PTTG1IP: variants seen among roughly 807,000 people sequenced by gnomAD.
PTTG1IP encodes PTTG1 interacting protein.
In PTTG1IP, 16 loss-of-function variants were observed where a neutral mutation model predicts 24.4. The observed-to-expected ratio is 0.66, with a 90% CI of 0.44 to 1.00. The LOEUF is 1.00. Among genes scored for constraint, PTTG1IP ranks in the 50% least tolerant of loss-of-function variants. The pLI is 0.00. For missense variants in PTTG1IP, 241 were observed against 245.8 expected, an observed-to-expected ratio of 0.98 and a Z score of 0.13; for synonymous variants, 89 against 96.8, an observed-to-expected ratio of 0.92 and a Z score of 0.47.
intron 3 of PTTG1IP, among the ~76,000 whole-genome samples, chr21:44,857,229 C>A (rs2083456293): frequency 6.6e-6 from 1 of 152,242 alleles, no homozygotes; most frequent in Admixed American, 6.5e-5. Context: ...ATAATCCCAG[C>A]ACTTTGGGAG....
chr21:44,864,156 C>T lies in PTTG1IP; in HGVS notation c.168+1239G>A, dbSNP rs187825299. ...CTGACTGGAAGGGGCAAGGGGTGGG[C>T]GAGATCAGGAATCCTAAGAAAAAGG... is the stretch of plus-strand genomic sequence containing the variant. On this transcript the variant is annotated intron_variant, in intron 2 of 5. Coordinates refer to ENST00000330938, the MANE Select transcript of PTTG1IP (RefSeq NM_004339.4). 4.6e-5 allele frequency among the ~76,000 whole-genome samples: 7 copies of T among 152,332 alleles called. No homozygotes were observed. In the East Asian group the frequency reaches 9.6e-4, roughly 21 times the overall value.
rs560170267 is a variant in PTTG1IP, at chr21:44,856,020, C to T, written c.449+173G>A. 3.3e-5 allele frequency among the ~76,000 whole-genome samples: 5 copies of T among 152,332 alleles called. No homozygotes were observed. In the South Asian group the frequency reaches 8.3e-4, roughly 25 times the overall value. On this transcript the variant is annotated intron_variant, in intron 4 of 5. Coordinates refer to ENST00000330938, the MANE Select transcript of PTTG1IP (RefSeq NM_004339.4). Reference sequence around the variant, plus strand: ...AAGGTTCGCAGCCACTGCTAGGTTCCCATCACAGTCTCTCGCTCTCTACCA... The same window carrying T: ...AAGGTTCGCAGCCACTGCTAGGTTCTCATCACAGTCTCTCGCTCTCTACCA...
intron 1 of PTTG1IP, among the ~76,000 whole-genome samples, chr21:44,871,792 T>C (rs1426896173): frequency 6.6e-6 from 1 of 152,148 alleles, no homozygotes; most frequent in Non-Finnish European, 1.5e-5. Context: ...AATGCCAACA[T>C]GACACGGCAC....
At position 44,851,579 on chromosome 21, in the gene PTTG1IP, C is replaced by A. The variant is rs770440696; in HGVS notation, c.*2G>T. 13 of 1,598,766 alleles carry A rather than the reference C, an allele frequency of 8.1e-6. No individual in the cohort carries two copies. In the South Asian group the frequency reaches 1.4e-4, roughly 18 times the overall value. On this transcript the variant is annotated 3_prime_UTR_variant, in exon 6 of 6. Coordinates refer to ENST00000330938, the MANE Select transcript of PTTG1IP (RefSeq NM_004339.4). ...GCGTCGGGACTGATGTGCTGGAGCG[C>A]TTTAGTTGTTTTCAAATCTAGCATA...
chr21:44,851,692 C>T (rs549627282), intron 5 of PTTG1IP, 65 bp from the exon 6 acceptor site: 271 of 1,503,272 alleles, frequency 1.8e-4, no homozygotes, highest in Middle Eastern at 5.4e-4. Context: ...CTTAGAAAGC[C>T]ATACAAACCA....
intron 2 of PTTG1IP, among the ~76,000 whole-genome samples, chr21:44,864,613 G>T (rs1040785208): frequency 3.3e-5 from 5 of 152,166 alleles, no homozygotes; most frequent in Non-Finnish European, 7.3e-5. Context: ...TGGTCAGGCT[G>T]GTCTCCAACT....
chr21:44,873,376 C>T (rs2083606343), intron 1 of PTTG1IP, 126 bp downstream of exon 1: 3 of 983,520 alleles, frequency 3.1e-6, no homozygotes, highest in Non-Finnish European at 3.8e-6. Context: ...GGGGCGCTGC[C>T]TGCGACCGTG....
intron 2 of PTTG1IP, 114 bp from the exon 3 acceptor site, chr21:44,861,385 G>T (rs1421244815): frequency 2.7e-5 from 23 of 855,800 alleles, no homozygotes; most frequent in Non-Finnish European, 3.5e-5. Context: ...GGCTGTAAAG[G>T]CTCAACCTCC....
At chr21:44,871,647 C>T (rs1435043999) in intron 1 of PTTG1IP, among the ~76,000 whole-genome samples, 1 of 152,184 alleles carries the variant, frequency 6.6e-6, no homozygotes, top group African/African-American at 2.4e-5. Flanking sequence ...CGGTCACATT[C>T]CTGTAACCAT....
chr21:44,868,231 T>C (rs1239884250), intron 1 of PTTG1IP, among the ~76,000 whole-genome samples: 1 of 152,190 alleles, frequency 6.6e-6, no homozygotes, highest in Non-Finnish European at 1.5e-5. Flanking sequence ...CCCCAGCTAC[T>C]TGGCACTGTG....
chr21:44,854,906 C>A (rs1179874944), intron 5 of PTTG1IP, among the ~76,000 whole-genome samples: 1 of 152,198 alleles, frequency 6.6e-6, no homozygotes, highest in Non-Finnish European at 1.5e-5. Flanking sequence ...CCACAGGAAG[C>A]CAAACACGAC....
intron 1 of PTTG1IP, among the ~76,000 whole-genome samples, chr21:44,869,475 T>C (rs1332481156): frequency 1.3e-5 from 2 of 152,168 alleles, no homozygotes; most frequent in Non-Finnish European, 2.9e-5. Flanking sequence ...ATTTTTAAAA[T>C]ATAAGTAGAG....
rs1319860570 is a variant in PTTG1IP, at chr21:44,873,647, G to A, written c.-31C>T. The A allele has an allele frequency of 1.5e-6, 2 of 1,373,038 alleles. No homozygotes were observed. Among genetic ancestry groups the A allele is most frequent in the Admixed American group, 3.4e-5 (1 of 29,190 alleles). 85.1% of individuals were successfully genotyped at this position (1,373,038 alleles called of 1,614,324 possible). A position where few individuals can be genotyped will look rare whatever the true frequency, so the allele number is the denominator to read the frequency against. On this transcript the variant is annotated 5_prime_UTR_variant, in exon 1 of 6. Transcript: ENST00000330938. ...GCCGGTCGCTCTATCAGTCAGTGGAGCGTTACAACTCCGACTCCAGCACAA... is the reference window on the plus strand; with the variant it reads ...GCCGGTCGCTCTATCAGTCAGTGGAACGTTACAACTCCGACTCCAGCACAA...
At chr21:44,858,591 G>A (rs1181255186) in intron 3 of PTTG1IP, among the ~76,000 whole-genome samples, 2 of 152,190 alleles carry the variant, frequency 1.3e-5, no homozygotes, top group Non-Finnish European at 2.9e-5. Context: ...CCCGAGCCCT[G>A]TTCCCCTGCG....
rs573536914 is a variant in PTTG1IP, at chr21:44,856,395, G to A, written c.278-31C>T. 470 of 1,586,830 alleles carry A rather than the reference G, an allele frequency of 3.0e-4. 7 individuals are homozygous for A. The South Asian group carries it at 4.9e-3, about 17-fold the overall frequency. ...GATTCAAGCACCTGGAGTTAGGGCC[G>A]CCCCAGACACAGAACCCACCCAGCA... On this transcript the variant is annotated intron_variant, in intron 3 of 5. Coordinates refer to ENST00000330938, the MANE Select transcript of PTTG1IP (RefSeq NM_004339.4).
intron 2 of PTTG1IP, among the ~76,000 whole-genome samples, chr21:44,865,167 A>C (rs1430119349): frequency 6.6e-6 from 1 of 152,240 alleles, no homozygotes; most frequent in African/African-American, 2.4e-5. Flanking sequence ...TAGGAGTGAA[A>C]TCATGGATAC....
intron 1 of PTTG1IP, among the ~76,000 whole-genome samples, chr21:44,870,510 G>A (rs535545225): frequency 3.5e-4 from 39 of 112,466 alleles, no homozygotes; most frequent in Admixed American, 1.8e-3. Context: ...TGGGCAACAG[G>A]GCAAGACTCC....
In PTTG1IP at chr21:44,861,153, A is replaced by G. The variant is rs752225430; in HGVS notation, c.277+10T>C. The G allele has an allele frequency of 6.2e-7, 1 of 1,603,584 alleles. No homozygotes were observed. Among genetic ancestry groups the G allele is most frequent in the Non-Finnish European group, 8.5e-7 (1 of 1,173,944 alleles). ...GATTTTGCAAGCAGCAAATGAAAAC[A>G]ATGACTTACCCCAACAAACTCCCCA... On this transcript the variant is annotated intron_variant, in intron 3 of 5. Coordinates refer to ENST00000330938, the MANE Select transcript of PTTG1IP (RefSeq NM_004339.4).
Position 44,851,135 on chromosome 21 carries a change from G to A in PTTG1IP, c.*446C>T, listed in dbSNP as rs1438199816. 1.9e-6 allele frequency: 1 copy of A among 516,520 alleles called. No individual in the cohort carries two copies. The highest frequency in any genetic ancestry group is 1.9e-5 in the African/African-American group (1 of 52,922). 32.0% of individuals were successfully genotyped at this position (516,520 alleles called of 1,614,324 possible). A position where few individuals can be genotyped will look rare whatever the true frequency, so the allele number is the denominator to read the frequency against. On this transcript the variant is annotated 3_prime_UTR_variant, in exon 6 of 6. Transcript: ENST00000330938. ...ACAGACGCTGTCCGTGGTTTTATGG[G>A]GAATGATGAGGGCTGGTCAGTTCTC... is the stretch of plus-strand genomic sequence containing the variant.
Sources: allele counts gnomAD v4.1 joint callset (sites outside exome capture counted in the v4.1 genomes callset), GRCh38; gene constraint gnomAD v4.1.1; transcripts MANE v1.5; gene names NCBI Gene and HGNC (gene_info 2026-07-23, HGNC 2026-07-21).